CCDC91: variants seen among roughly 807,000 people sequenced by gnomAD.
CCDC91 encodes coiled-coil domain-containing protein 91.
In CCDC91, 48 loss-of-function variants were observed where a neutral mutation model predicts 63.2. The observed-to-expected ratio is 0.76, with a 90% CI of 0.60 to 0.97. The LOEUF is 0.97. CCDC91 is among the 50% of genes least tolerant of loss of function. The pLI is 0.00. For missense variants in CCDC91, 500 were observed against 494.6 expected (o/e 1.01, Z -0.10); for synonymous variants, 167 against 165.8 (o/e 1.01, Z -0.06).
intron 1 of CCDC91, among the ~76,000 whole-genome samples, chr12:28,237,990 T>C (rs1945078231): frequency 6.6e-6 from 1 of 152,184 alleles, no homozygotes; most frequent in Non-Finnish European, 1.5e-5. Context: ...TTCTTAATTT[T>C]TTCCCTATAT....
chr12:28,458,939 C>T (rs1401742881), intron 11 of CCDC91, among the ~76,000 whole-genome samples: 2 of 152,016 alleles, frequency 1.3e-5, no homozygotes, highest in Non-Finnish European at 2.9e-5. Context: ...CCAGTGCCTC[C>T]CTGTAGCCTA....
intron 12 of CCDC91, among the ~76,000 whole-genome samples, chr12:28,531,035 C>T (rs2141617907): frequency 6.6e-6 from 1 of 152,168 alleles, no homozygotes; most frequent in Non-Finnish European, 1.5e-5. Context: ...TATAAATTAC[C>T]CAGTCTCAGG....
At chr12:28,277,696 G>A (rs1351154504) in intron 3 of CCDC91, among the ~76,000 whole-genome samples, 1 of 151,898 alleles carries the variant, frequency 6.6e-6, no homozygotes, top group Non-Finnish European at 1.5e-5. Flanking sequence ...CTTTGATCAA[G>A]TAGGTCAGAT....
Position 28,493,101 on chromosome 12 carries a change from A to G in CCDC91, c.1215+8936A>G, listed in dbSNP as rs540147420. ...GGGTCCCAAGTTTGTCCAACATACA[A>G]TAATGGGTGCTTTATATTTACTGTC... is the stretch of plus-strand genomic sequence containing the variant. On this transcript the variant is annotated intron_variant, in intron 12 of 12. Transcript: ENST00000536442. Among the ~76,000 whole-genome samples the G allele has an allele frequency of 5.1e-4, 78 of 151,834 alleles. 1 individual carries two copies. Among genetic ancestry groups the G allele is most frequent in the African/African-American group, 1.8e-3 (74 of 41,514 alleles).
At chr12:28,451,518 G>A (rs1949801449) in intron 10 of CCDC91, among the ~76,000 whole-genome samples, 4 of 151,550 alleles carry the variant, frequency 2.6e-5, no homozygotes, top group South Asian at 2.1e-4. Context: ...TAGAAAACTC[G>A]TATCTGTTTT....
chr12:28,516,524 G>A (rs1334208711), intron 12 of CCDC91, among the ~76,000 whole-genome samples: 32 of 152,024 alleles, frequency 2.1e-4, no homozygotes, highest in Admixed American at 1.8e-3. Context: ...GATTGCTTGA[G>A]CCCTGAGAGT....
chr12:28,206,076 C>T (rs1942826320), intron 1 of CCDC91, among the ~76,000 whole-genome samples: 1 of 152,124 alleles, frequency 6.6e-6, no homozygotes, highest in Admixed American at 6.5e-5. Context: ...AAAAACAAAC[C>T]AGGTCTGTTC....
chr12:28,428,272 A>G (rs1462752238), intron 8 of CCDC91, among the ~76,000 whole-genome samples: 6 of 152,084 alleles, frequency 3.9e-5, no homozygotes, highest in East Asian at 1.9e-4. Flanking sequence ...AATATTCTGC[A>G]TGAAATTCCC....
chr12:28,314,782 A>G (rs1939671390), intron 6 of CCDC91, among the ~76,000 whole-genome samples: 1 of 152,038 alleles, frequency 6.6e-6, no homozygotes, highest in South Asian at 2.1e-4. Context: ...TTCTTTTAGT[A>G]GTATATTTTA....
At chr12:28,541,835 T>C (rs953310199) in intron 12 of CCDC91, among the ~76,000 whole-genome samples, 2 of 152,116 alleles carry the variant, frequency 1.3e-5, no homozygotes, top group Non-Finnish European at 2.9e-5. Flanking sequence ...ATCTTATATT[T>C]GAGATAAATT....
intron 1 of CCDC91, among the ~76,000 whole-genome samples, chr12:28,199,911 G>T (rs1232062416): frequency 6.6e-6 from 1 of 152,148 alleles, no homozygotes; most frequent in Non-Finnish European, 1.5e-5. Context: ...ATGTGTTACA[G>T]TGTGGATCTC....
chr12:28,264,585 CTGTGTGTGTGTGTGTG>C lies in CCDC91; in HGVS notation c.109+5163_109+5178del, dbSNP rs34854850. ...TAGGCACATATATATATATGTCTGT[CTGTGTGTGTGTGTGTG>C]TGTGTGTGTGTGTGTGTGTATTCTG... is the stretch of plus-strand genomic sequence containing the variant. On this transcript the variant is annotated intron_variant, in intron 3 of 12. Transcript: ENST00000536442. Among the ~76,000 whole-genome samples, 4 of 137,258 alleles carry C rather than the reference CTGTGTGTGTGTGTGTG, an allele frequency of 2.9e-5. No individual in the cohort carries two copies. In the Admixed American group the frequency reaches 3.0e-4, roughly 10 times the overall value. 90.0% of individuals were successfully genotyped at this position (137,258 alleles called of 152,430 possible).
At chr12:28,307,393 A>C (rs570436043) in intron 5 of CCDC91, among the ~76,000 whole-genome samples, 1 of 152,046 alleles carries the variant, frequency 6.6e-6, no homozygotes, top group East Asian at 1.9e-4. Context: ...GTGTATGTAG[A>C]GGTAGATTAT....
chr12:28,201,277 G>A (rs879212212), intron 1 of CCDC91, among the ~76,000 whole-genome samples: 5 of 148,008 alleles, frequency 3.4e-5, no homozygotes, highest in African/African-American at 4.9e-5. Context: ...TCAGACGGGC[G>A]GTTGCCAGGC....
intron 12 of CCDC91, among the ~76,000 whole-genome samples, chr12:28,540,727 T>C (rs1942568694): frequency 6.6e-6 from 1 of 152,152 alleles, no homozygotes; most frequent in African/African-American, 2.4e-5. Context: ...CCCCTGCCTT[T>C]GAGTCTCGGC....
At chr12:28,328,244 GGTT>G (rs1381817637) in intron 6 of CCDC91, among the ~76,000 whole-genome samples, 1 of 151,894 alleles carries the variant, frequency 6.6e-6, no homozygotes, top group Non-Finnish European at 1.5e-5. Flanking sequence ...TTGTAGCTTT[GGTT>G]GTTGTTTTCT....
At chr12:28,401,258 G>C (rs986546400) in intron 8 of CCDC91, among the ~76,000 whole-genome samples, 1 of 152,016 alleles carries the variant, frequency 6.6e-6, no homozygotes, top group Non-Finnish European at 1.5e-5. Context: ...CAATCATGGT[G>C]GAAGGGGAAA....
chr12:28,280,575 T>A (rs1948539273), intron 3 of CCDC91, among the ~76,000 whole-genome samples: 1 of 152,132 alleles, frequency 6.6e-6, no homozygotes, highest in African/African-American at 2.4e-5. Flanking sequence ...ATGGATTAGA[T>A]CTTGGATTAG....
chr12:28,266,871 G>T (rs1045280148), intron 3 of CCDC91, among the ~76,000 whole-genome samples: 3 of 151,062 alleles, frequency 2.0e-5, no homozygotes, highest in Non-Finnish European at 4.4e-5. Flanking sequence ...CTAAGTTAGC[G>T]CCCCCCGCCC....
Sources: allele counts gnomAD v4.1 joint callset (sites outside exome capture counted in the v4.1 genomes callset), GRCh38; gene constraint gnomAD v4.1.1; transcripts MANE v1.5; gene names NCBI Gene and HGNC (gene_info 2026-07-23, HGNC 2026-07-21).